NPM2: variants seen among roughly 807,000 people sequenced by gnomAD.
NPM2 encodes the protein nucleoplasmin-2.
In NPM2, 25 loss-of-function variants were observed where a neutral mutation model predicts 32.0. The observed-to-expected ratio is 0.78, with a 90% CI of 0.57 to 1.09. NPM2 has a LOEUF of 1.09. Ranked by LOEUF, NPM2 falls within the 50% of genes least tolerant of loss-of-function variation. The pLI, the probability that NPM2 is intolerant of heterozygous loss-of-function variation, is 0.00. For missense variants in NPM2, 282 were observed against 259.9 expected (o/e 1.08, Z -0.58); for synonymous variants, 111 against 94.2 (o/e 1.18, Z -1.04).
intron 8 of NPM2, among the ~76,000 whole-genome samples, chr8:22,035,331 T>C (rs1800584274): frequency 6.6e-6 from 1 of 152,216 alleles, no homozygotes; most frequent in Non-Finnish European, 1.5e-5. Context: ...TGGAGTGTGA[T>C]GGCACAATCA....
At position 22,024,472 on chromosome 8, in the gene NPM2, C is replaced by G. The variant is rs957950576; in HGVS notation, c.-292C>G. 1 of 152,556 alleles carries G rather than the reference C, an allele frequency of 6.6e-6. No homozygotes were observed. Among genetic ancestry groups the G allele is most frequent in the East Asian group, 1.9e-4 (1 of 5,200 alleles). 9.5% of individuals were successfully genotyped at this position (152,556 alleles called of 1,614,324 possible). ...AGGCCTCGGCGGGTCCGCAATTGGC[C>G]GGGACAGCTTCTCACGAAAGGTCCT... On this transcript the variant is annotated 5_prime_UTR_variant, in exon 1 of 10. Transcript: ENST00000518119.
intron 5 of NPM2, among the ~76,000 whole-genome samples, chr8:22,026,578 C>G (rs145397042): frequency 6.6e-6 from 1 of 151,272 alleles, no homozygotes; most frequent in Admixed American, 6.6e-5. Flanking sequence ...CCTCAGCCTT[C>G]GGAGTAGCTG....
intron 5 of NPM2, among the ~76,000 whole-genome samples, chr8:22,026,859 T>A (rs746737066): frequency 6.6e-6 from 1 of 152,202 alleles, no homozygotes; most frequent in Non-Finnish European, 1.5e-5. Flanking sequence ...TTCCTTCTTG[T>A]TTTTTAAAAA....
chr8:22,035,351 G>T (rs1002923036), intron 8 of NPM2, among the ~76,000 whole-genome samples: 15 of 152,166 alleles, frequency 9.9e-5, no homozygotes, highest in African/African-American at 3.4e-4. Context: ...ATGGCTCACT[G>T]CAGCCTTAGC....
intron 5 of NPM2, among the ~76,000 whole-genome samples, chr8:22,027,675 C>T (rs1254906766): frequency 4.0e-5 from 6 of 151,370 alleles, no homozygotes; most frequent in South Asian, 4.2e-4. Context: ...GGTGCGCTCT[C>T]GGCTCACTGC....
intron 3 of NPM2, 54 bp downstream of exon 3, chr8:22,025,360 G>A: frequency 1.9e-6 from 3 of 1,599,740 alleles, no homozygotes; most frequent in Non-Finnish European, 1.7e-6. Flanking sequence ...CCGGTGCGCG[G>A]CAGCTTGGGG....
chr8:22,028,856 A>G (rs1380823099), intron 5 of NPM2, among the ~76,000 whole-genome samples: 1 of 152,190 alleles, frequency 6.6e-6, no homozygotes, highest in East Asian at 1.9e-4. Context: ...CTATCTGGCC[A>G]GTATAGTCTG....
Position 22,024,190 on chromosome 8 carries a change from C to A in NPM2, c.-574C>A, listed in dbSNP as rs1441638122. On this transcript the variant is annotated 5_prime_UTR_variant, in exon 1 of 10. Coordinates refer to ENST00000518119, the MANE Select transcript of NPM2 (RefSeq NM_001286680.2). ...CGCCTCCCGGCTCACCTCCCCACCC[C>A]ACCTGCCCGCTGCGGCTCTCCGCGG... The A allele has an allele frequency of 2.6e-5, 4 of 152,788 alleles. No homozygotes were observed. Among genetic ancestry groups the A allele is most frequent in the South Asian group, 1.9e-4 (1 of 5,156 alleles). The allele number at this position is 152,788 out of a possible 1,614,324, so 9.5% of individuals were successfully genotyped here. A position where few individuals can be genotyped will look rare whatever the true frequency, so the allele number is the denominator to read the frequency against.
chr8:22,025,679 G>T lies in NPM2; in HGVS notation c.177G>T (p.Met59Ile), dbSNP rs555586566. Residue 59 changes from methionine (M) to isoleucine (I), a missense_variant, in exon 5 of 10, where the codon ATG becomes ATT. Physicochemically the swap from Met to Ile is conservative, Grantham distance 10 (BLOSUM62 1). Transcript: ENST00000518119. ...TGGGGGAGAAAGCCAAAGAGGAGAT[G>T]CATCGCGTGGAGATCCTGCCCCCAG... Reference protein sequence around the residue: ...ICLGEKAKEEMHRVEILPPAN... With the variant: ...ICLGEKAKEEIHRVEILPPAN... 29 of 1,614,182 alleles carry T rather than the reference G, an allele frequency of 1.8e-5. No individual in the cohort carries two copies. Among genetic ancestry groups the T allele is most frequent in the Non-Finnish European group, 2.5e-5 (29 of 1,180,024 alleles).
chr8:22,035,013 T>G, intron 8 of NPM2, among the ~76,000 whole-genome samples: 1 of 151,968 alleles, frequency 6.6e-6, no homozygotes, highest in Non-Finnish European at 1.5e-5. Context: ...GGCTGAGGCA[T>G]GAGAATTGCT....
At chr8:22,034,735 A>G (rs534269858) in intron 8 of NPM2, among the ~76,000 whole-genome samples, 191 bp downstream of exon 8, 2 of 152,322 alleles carry the variant, frequency 1.3e-5, no homozygotes, top group South Asian at 4.1e-4. Flanking sequence ...CAACGTTCTT[A>G]TCTTGGGATC....
intron 2 of NPM2, 182 bp downstream of exon 2, chr8:22,025,012 C>T (rs1800185361): frequency 1.8e-6 from 1 of 543,624 alleles, no homozygotes; most frequent in Non-Finnish European, 3.2e-6. Flanking sequence ...GTCCTGTACG[C>T]GCCCGGTCGA....
rs777493838 is a variant in NPM2 at position 22,034,470 on chromosome 8, TTGTC to T, written c.532-37_532-34del. On this transcript the variant is annotated intron_variant, in intron 7 of 9. Transcript: ENST00000518119. ...TGGGAATCTGTTCTGGCTCTGGACT[TTGTC>T]TGAACTCTCATAATACACTGTTTTT... is the stretch of plus-strand genomic sequence containing the variant. 34 of 1,584,862 alleles carry T rather than the reference TTGTC, an allele frequency of 2.1e-5. No homozygotes were observed. In the Admixed American group the frequency reaches 5.6e-4, roughly 26 times the overall value.
intron 2 of NPM2, 22 bp from the exon 3 acceptor site, chr8:22,025,194 C>T (rs1049530326): frequency 2.4e-5 from 38 of 1,586,446 alleles, no homozygotes; most frequent in Non-Finnish European, 3.1e-5. Flanking sequence ...AGCAAGGCCT[C>T]ACGCGGGCGC....
chr8:22,025,651 G>C lies in NPM2; in HGVS notation c.149G>C (p.Cys50Ser), dbSNP rs748270963. The C allele has an allele frequency of 1.9e-6, 3 of 1,614,150 alleles. No homozygotes were observed. Among genetic ancestry groups the C allele is most frequent in the Non-Finnish European group, 1.7e-6 (2 of 1,180,024 alleles). ...QSCRLLLHTI[C>S]LGEKAKEEMH... is the part of the protein sequence containing the mutation. The stretch of plus-strand genomic sequence containing the variant: ...TCTATTTTCAACCCCGCTCAGATTT[G>C]CTTGGGGGAGAAAGCCAAAGAGGAG... Residue 50 changes from cysteine to serine, a missense_variant, in exon 5 of 10, where the codon TGC becomes TCC. Cys to Ser is a moderately radical substitution (Grantham distance 112). Transcript: ENST00000518119.
chr8:22,027,490 T>A (rs1800293214), intron 5 of NPM2, among the ~76,000 whole-genome samples: 1 of 152,208 alleles, frequency 6.6e-6, no homozygotes, highest in Non-Finnish European at 1.5e-5. Flanking sequence ...ATATCCCAAA[T>A]TTAACATGTC....
chr8:22,036,703 A>G lies in NPM2; in HGVS notation c.*21A>G. ...AATGAGGAGCCACGCCTTGGGGGGC[A>G]CGGTGCAAAGTGGGCCTTCCCTGGG... On this transcript the variant is annotated 3_prime_UTR_variant, in exon 10 of 10. Coordinates refer to ENST00000518119, the MANE Select transcript of NPM2 (RefSeq NM_001286680.2). The G allele has an allele frequency of 6.5e-7, 1 of 1,543,528 alleles. No homozygotes were observed. The highest frequency in any genetic ancestry group is 8.7e-7 in the Non-Finnish European group (1 of 1,145,172).
At position 22,028,145 on chromosome 8, in the gene NPM2, G is replaced by T. The variant is rs571109445; in HGVS notation, c.270+2373G>T. Among the ~76,000 whole-genome samples, 347 of 152,188 alleles carry T rather than the reference G, an allele frequency of 2.3e-3. 1 individual carries two copies. The highest frequency in any genetic ancestry group is 3.7e-3 in the Non-Finnish European group (249 of 68,016). On this transcript the variant is annotated intron_variant, in intron 5 of 9. Transcript: ENST00000518119. ...CTAGAGGGCTTGAATCTAGGCTGCT[G>T]CCTGGTTTTGTAAGTAGTTTTACTG...
chr8:22,029,745 T>G (rs1170304730), intron 5 of NPM2, among the ~76,000 whole-genome samples: 1 of 152,252 alleles, frequency 6.6e-6, no homozygotes, highest in Non-Finnish European at 1.5e-5. Context: ...TTTGGCTGTG[T>G]ATATAATTCT....
Sources: gnomAD v4.1 joint callset for allele counts (sites outside exome capture counted in the v4.1 genomes callset) on GRCh38, gnomAD v4.1.1 for gene constraint, MANE v1.5 for transcripts, NCBI Gene and HGNC (gene_info 2026-07-23, HGNC 2026-07-21) for gene names.